RP1: variants seen among roughly 807,000 people sequenced by gnomAD.
RP1 encodes RP1 axonemal microtubule associated.
Under a neutral mutation model 14.8 loss-of-function variants are expected in RP1, and 16 were observed. The ratio of observed to expected loss-of-function variants is 1.08; its 90% CI spans 0.73 to 1.65. The LOEUF (loss-of-function observed/expected upper bound fraction) is 1.65. RP1 is among the 40% of genes most tolerant of loss of function. The probability of loss-of-function intolerance (pLI) is 0.00; values close to 1 mark genes in which losing one functional copy is unlikely to be tolerated. For synonymous variants in RP1, 876 were observed against 883.6 expected, an observed-to-expected ratio of 0.99 and a Z score of 0.15; for missense variants, 2,631 against 2,535.0, an observed-to-expected ratio of 1.04 and a Z score of -0.81.
chr8:54,758,970 G>C, exon 22 of RP1: 1 of 1,535,886 alleles, frequency 6.5e-7, no homozygotes. Flanking sequence ...ACTGCAGAAG[G>C]TGCTGTTGCG....
chr8:54,662,376 C>T (rs935247177), intron 6 of RP1, among the ~76,000 whole-genome samples: 4 of 152,032 alleles, frequency 2.6e-5, no homozygotes, highest in Admixed American at 2.0e-4. Flanking sequence ...TCTTTTGGTC[C>T]TTTGCTTAGA....
intron 7 of RP1, among the ~76,000 whole-genome samples, chr8:54,669,381 G>A (rs957099966): frequency 6.6e-6 from 1 of 152,130 alleles, no homozygotes; most frequent in African/African-American, 2.4e-5. Context: ...GAAACAACAG[G>A]TGCTGGAGAG....
At chr8:54,652,998 A>T in intron 5 of RP1, 1 of 598,012 alleles carries the variant, frequency 1.7e-6, no homozygotes, top group Non-Finnish European at 2.9e-6. Flanking sequence ...TTCAAGGCAG[A>T]AGTATCATAT....
At chr8:54,750,601 G>C (rs900460822) in intron 19 of RP1, among the ~76,000 whole-genome samples, 1 of 146,330 alleles carries the variant, frequency 6.8e-6, no homozygotes, top group Non-Finnish European at 1.5e-5. Context: ...TCTGTAGCTA[G>C]GATTGTAAAA....
In RP1 at chr8:54,713,608, T is replaced by TA. The variant is rs147474556; in HGVS notation, c.2212-6515dup. Among the ~76,000 whole-genome samples the TA allele has an allele frequency of 7.8e-3, 1,185 of 152,240 alleles. 12 individuals carry two copies. Among genetic ancestry groups the TA allele is most frequent in the African/African-American group, 0.027 (1,113 of 41,546 alleles). ...CAAAGTATATTCTACGCATGCAAATTAAAAAATTAAAGGTAATTCATATTT... is the reference window on the plus strand; with the variant it reads ...CAAAGTATATTCTACGCATGCAAATTAAAAAAATTAAAGGTAATTCATATTT... On this transcript the variant is annotated intron_variant, in intron 15 of 22. Coordinates refer to the RP1 transcript ENST00000636932.
intron 1 of RP1, among the ~76,000 whole-genome samples, chr8:54,596,457 A>G (rs946825451): frequency 4.6e-5 from 7 of 152,188 alleles, no homozygotes; most frequent in African/African-American, 1.7e-4. Flanking sequence ...TACCTTTCAA[A>G]TCTTCTCTTA....
chr8:54,771,428 T>A (rs1381711927), downstream of RP1, among the ~76,000 whole-genome samples: 3 of 152,056 alleles, frequency 2.0e-5, no homozygotes, highest in African/African-American at 7.2e-5. Flanking sequence ...TTGTCAATAA[T>A]GTAAGACATG....
chr8:54,566,055 C>T (rs1052760837), intron 1 of RP1, among the ~76,000 whole-genome samples: 1 of 149,378 alleles, frequency 6.7e-6, no homozygotes, highest in African/African-American at 2.4e-5. Flanking sequence ...TTTATAAGGA[C>T]ACAGCCCAGC....
intron 15 of RP1, among the ~76,000 whole-genome samples, chr8:54,715,825 A>G (rs1388123977): frequency 1.3e-5 from 2 of 152,360 alleles, no homozygotes; most frequent in East Asian, 3.8e-4. Context: ...CTAGTGCTAC[A>G]GTAGATATAC....
chr8:54,696,931 G>T, intron 12 of RP1: 1 of 905,060 alleles, frequency 1.1e-6, no homozygotes, highest in Non-Finnish European at 1.8e-6. Context: ...AGCACCTGGG[G>T]AAGTTTGACA....
chr8:54,680,109 G>T (rs1335950574), intron 12 of RP1, among the ~76,000 whole-genome samples: 1 of 152,064 alleles, frequency 6.6e-6, no homozygotes, highest in Non-Finnish European at 1.5e-5. Flanking sequence ...ATAGATGACA[G>T]GCTTTAAATC....
At chr8:54,661,873 C>T (rs1178829670) in intron 6 of RP1, among the ~76,000 whole-genome samples, 4 of 152,092 alleles carry the variant, frequency 2.6e-5, no homozygotes, top group East Asian at 3.8e-4. Context: ...CCTCTGTTCT[C>T]TCCAGTCTGC....
intron 22 of RP1, among the ~76,000 whole-genome samples, chr8:54,765,204 T>A (rs1047829864): frequency 3.9e-5 from 6 of 152,274 alleles, no homozygotes; most frequent in African/African-American, 1.4e-4. Flanking sequence ...CCTTGCTTAA[T>A]TGCCTTGTGG....
chr8:54,820,041 C>T (rs1273406245), intron 24 of RP1, among the ~76,000 whole-genome samples: 1 of 152,154 alleles, frequency 6.6e-6, no homozygotes, highest in East Asian at 1.9e-4. Flanking sequence ...TCTATCCCTT[C>T]AGGGCAACTT....
intron 7 of RP1, among the ~76,000 whole-genome samples, chr8:54,669,884 G>C (rs1328842900): frequency 3.3e-5 from 5 of 151,818 alleles, no homozygotes; most frequent in African/African-American, 1.2e-4. Flanking sequence ...TGGTGGGGTG[G>C]GAGGGAAGGG....
At chr8:54,753,189 G>A (rs973280376) in intron 19 of RP1, among the ~76,000 whole-genome samples, 1 of 152,154 alleles carries the variant, frequency 6.6e-6, no homozygotes, top group African/African-American at 2.4e-5. Context: ...CTCTTGCCTG[G>A]AGCAAGTAAA....
intron 1 of RP1, among the ~76,000 whole-genome samples, chr8:54,598,285 A>G (rs536011810): frequency 6.6e-6 from 1 of 152,214 alleles, no homozygotes; most frequent in South Asian, 2.1e-4. Context: ...TATTGTTTGT[A>G]AGCATATCTC....
chr8:54,731,091 T>G (rs1466296961), intron 17 of RP1, among the ~76,000 whole-genome samples: 8 of 152,202 alleles, frequency 5.3e-5, no homozygotes, highest in African/African-American at 1.9e-4. Flanking sequence ...ACTCTGATGG[T>G]AATTCATGCT....
rs1195562138 is a variant in RP1, at chr8:54,768,804, GT to G, written c.3249-934del. On this transcript the variant is annotated intron_variant, in intron 22 of 22. Coordinates refer to the RP1 transcript ENST00000636932. The stretch of plus-strand genomic sequence containing the variant: ...AGCTTCTAACACTAAAGTTTACCTG[GT>G]TTAGGGGGAAGCTCCAGGAGGATCA... Among the ~76,000 whole-genome samples, 4 of 152,106 alleles carry G rather than the reference GT, an allele frequency of 2.6e-5. No homozygotes were observed. In the South Asian group the frequency reaches 8.3e-4, roughly 32 times the overall value.
Sources: allele counts gnomAD v4.1 joint callset (sites outside exome capture counted in the v4.1 genomes callset), GRCh38; gene constraint gnomAD v4.1.1; transcripts MANE v1.5; gene names NCBI Gene and HGNC (gene_info 2026-07-23, HGNC 2026-07-21).